Variants in NIPBL observed in about 807,000 individuals in gnomAD.
NIPBL encodes the protein NIPBL cohesin loading factor, also known as nipped-B-like protein.
In NIPBL, 19 loss-of-function variants were observed where a neutral mutation model predicts 321.8. The observed-to-expected ratio is 0.06, with a 90% CI of 0.04 to 0.09. NIPBL has a LOEUF of 0.09. Among genes scored for constraint, NIPBL ranks in the 10% least tolerant of loss-of-function variants. NIPBL has a pLI of 1.00. For missense variants in NIPBL, 2,210 were observed against 3,327.0 expected (o/e 0.66, Z 8.26); for synonymous variants, 1,106 against 1,114.1 (o/e 0.99, Z 0.14).
chr5:36,918,003 G>T (rs1464739658), intron 1 of NIPBL, among the ~76,000 whole-genome samples: 1 of 152,146 alleles, frequency 6.6e-6, no homozygotes, highest in Non-Finnish European at 1.5e-5. Context: ...TCTTGGCAAT[G>T]TGGGCTCTTT....
chr5:37,063,751 A>G (rs1371700978), intron 45 of NIPBL, 39 bp from the exon 46 acceptor site: 14 of 1,566,800 alleles, frequency 8.9e-6, no homozygotes, highest in Non-Finnish European at 1.2e-5. Flanking sequence ...TGCTTGAAAT[A>G]TTTACTTAAA....
At chr5:36,932,327 T>C (rs1749836756) in intron 1 of NIPBL, among the ~76,000 whole-genome samples, 1 of 152,226 alleles carries the variant, frequency 6.6e-6, no homozygotes, top group South Asian at 2.1e-4. Flanking sequence ...ATATTTATCA[T>C]TCAGTTCTGT....
intron 1 of NIPBL, among the ~76,000 whole-genome samples, chr5:36,941,535 A>G (rs756138869): frequency 6.6e-6 from 1 of 151,794 alleles, no homozygotes; most frequent in African/African-American, 2.4e-5. Context: ...AAAACCACCA[A>G]AAATGCTGTT....
chr5:36,888,865 G>C, intron 1 of NIPBL, among the ~76,000 whole-genome samples: 1 of 152,146 alleles, frequency 6.6e-6, no homozygotes. Flanking sequence ...AACAAAGCAA[G>C]CATTTTCTTC....
intron 10 of NIPBL, chr5:36,995,166 G>A (rs1431208560): frequency 6.2e-6 from 1 of 161,078 alleles, no homozygotes; most frequent in Non-Finnish European, 1.3e-5. Flanking sequence ...GGAGTGGTAA[G>A]TGTCTTCCAA....
chr5:36,892,162 G>A (rs969635453), intron 1 of NIPBL, among the ~76,000 whole-genome samples: 4 of 152,120 alleles, frequency 2.6e-5, no homozygotes, highest in Non-Finnish European at 4.4e-5. Context: ...GTTAAATCAG[G>A]GTTAAAAGTA....
rs56972789 is a variant in NIPBL, at chr5:37,048,946, GACAC to G, written c.6764-144_6764-141del. Among the ~76,000 whole-genome samples, 513 of 148,652 alleles carry G rather than the reference GACAC, an allele frequency of 3.5e-3. 1 individual carries two copies. Among genetic ancestry groups the G allele is most frequent in the Middle Eastern group, 0.014 (4 of 286 alleles). ...GGTTCTCAAAGGGGCCTCTGACACA[GACAC>G]ACACACACACACACACACACTCACA... On this transcript the variant is annotated intron_variant, in intron 39 of 46. Transcript: ENST00000282516.
At chr5:36,930,857 G>A (rs115442716) in intron 1 of NIPBL, among the ~76,000 whole-genome samples, 58 of 152,144 alleles carry the variant, frequency 3.8e-4, no homozygotes, top group African/African-American at 1.4e-3. Context: ...TTTTTAGATG[G>A]TTAACCACCC....
At chr5:36,942,000 G>T (rs1401504744) in intron 1 of NIPBL, among the ~76,000 whole-genome samples, 1 of 152,106 alleles carries the variant, frequency 6.6e-6, no homozygotes, top group Non-Finnish European at 1.5e-5. Flanking sequence ...TAGAAAGGTT[G>T]CTGTAGGTAA....
intron 1 of NIPBL, among the ~76,000 whole-genome samples, chr5:36,896,300 C>A (rs748455852): frequency 6.6e-6 from 1 of 152,192 alleles, no homozygotes; most frequent in Non-Finnish European, 1.5e-5. Flanking sequence ...TCTGTCCTTA[C>A]GCCAGTACTA....
chr5:36,986,397 C>A, intron 10 of NIPBL, 96 bp downstream of exon 10: 1 of 822,590 alleles, frequency 1.2e-6, no homozygotes, highest in South Asian at 3.4e-5. Flanking sequence ...AATTAGAAAG[C>A]TACTACATGA....
chr5:37,000,176 A>G (rs1746622279), intron 11 of NIPBL, among the ~76,000 whole-genome samples, 197 bp from the exon 12 acceptor site: 1 of 152,170 alleles, frequency 6.6e-6, no homozygotes, highest in African/African-American at 2.4e-5. Context: ...AAAGATCTTT[A>G]AATCTGGGTA....
chr5:36,917,302 G>A (rs1027644033), intron 1 of NIPBL, among the ~76,000 whole-genome samples: 1 of 152,176 alleles, frequency 6.6e-6, no homozygotes, highest in Non-Finnish European at 1.5e-5. Context: ...TTTGAGAAGT[G>A]TCTGTTCATA....
In NIPBL at chr5:37,023,092, GTTTAT is replaced by G. The variant is rs566591159; in HGVS notation, c.5574+706_5574+710del. On this transcript the variant is annotated intron_variant, in intron 29 of 46. Coordinates refer to ENST00000282516, the MANE Select transcript of NIPBL (RefSeq NM_133433.4). ...ATTAAGTATTACCTCAATGACAAGA[GTTTAT>G]TTTGTCACCCTTGGCCTAATATCAG... is the stretch of plus-strand genomic sequence containing the variant. Among the ~76,000 whole-genome samples, 15 of 152,292 alleles carry G rather than the reference GTTTAT, an allele frequency of 9.8e-5. No individual in the cohort carries two copies. The South Asian group carries it at 2.3e-3, about 23-fold the overall frequency.
intron 9 of NIPBL, among the ~76,000 whole-genome samples, chr5:36,983,843 G>A (rs934419867): frequency 2.0e-5 from 3 of 151,952 alleles, no homozygotes; most frequent in Middle Eastern, 3.2e-3. Flanking sequence ...TCATAATACT[G>A]TAAATTATTT....
chr5:37,045,331 G>A, intron 36 of NIPBL, 112 bp from the exon 37 acceptor site: 3 of 765,158 alleles, frequency 3.9e-6, no homozygotes, highest in Non-Finnish European at 6.3e-6. Context: ...TCCAGCCTGG[G>A]TGACAGTGAG....
At chr5:36,913,535 G>T (rs1748217165) in intron 1 of NIPBL, among the ~76,000 whole-genome samples, 1 of 151,978 alleles carries the variant, frequency 6.6e-6, no homozygotes, top group African/African-American at 2.4e-5. Context: ...GACTACAGAT[G>T]TGTGCCACCA....
chr5:36,919,532 A>T (rs948227020), intron 1 of NIPBL, among the ~76,000 whole-genome samples: 2 of 152,054 alleles, frequency 1.3e-5, no homozygotes, highest in African/African-American at 2.4e-5. Flanking sequence ...TGCTTCTGTG[A>T]ACTTTATTTT....
At chr5:36,888,476 A>T (rs750587888) in intron 1 of NIPBL, among the ~76,000 whole-genome samples, 6 of 152,144 alleles carry the variant, frequency 3.9e-5, no homozygotes, top group Non-Finnish European at 8.8e-5. Flanking sequence ...ATGGGAATGT[A>T]TAAGGAAAGT....
Sources: allele counts gnomAD v4.1 joint callset (sites outside exome capture counted in the v4.1 genomes callset), GRCh38; gene constraint gnomAD v4.1.1; transcripts MANE v1.5; gene names NCBI Gene and HGNC (gene_info 2026-07-23, HGNC 2026-07-21).